Variants in CYP39A1 observed in about 807,000 individuals in gnomAD.
CYP39A1 encodes cytochrome P450 family 39 subfamily A member 1.
CYP39A1 carries 49 observed loss-of-function variants against 58.1 expected under a neutral mutation model. The observed-to-expected ratio is 0.84, with a 90% CI of 0.67 to 1.07. The LOEUF (loss-of-function observed/expected upper bound fraction) is 1.07, where lower values mean the gene tolerates loss of function less well. CYP39A1 is among the 50% of genes least tolerant of loss of function. The pLI is 0.00. For missense variants in CYP39A1, 531 were observed against 539.4 expected (o/e 0.98, Z 0.16); for synonymous variants, 209 against 187.6 (o/e 1.11, Z -0.93).
rs556379542 is a variant in CYP39A1, at chr6:46,550,345, C to T, written c.*21G>A. The T allele has an allele frequency of 2.5e-6, 4 of 1,609,500 alleles. No homozygotes were observed. The South Asian group carries it at 3.3e-5, about 13-fold the overall frequency. On this transcript the variant is annotated 3_prime_UTR_variant, in exon 12 of 12. Coordinates refer to ENST00000275016, the MANE Select transcript of CYP39A1 (RefSeq NM_016593.5). ...TGCCACTCCTCCAGAAGGCCCTGGT[C>T]CTTGTGAGGCCCAACAGATGTCATA...
intron 10 of CYP39A1, among the ~76,000 whole-genome samples, chr6:46,582,512 G>T (rs1047196308): frequency 2.0e-5 from 3 of 151,804 alleles, no homozygotes; most frequent in Non-Finnish European, 2.9e-5. Context: ...TTCTTCCCTT[G>T]AAGTTTGATA....
intron 5 of CYP39A1, 33 bp from the exon 6 acceptor site, chr6:46,631,103 G>A: frequency 6.8e-7 from 1 of 1,470,566 alleles, no homozygotes; most frequent in African/African-American, 1.4e-5. Flanking sequence ...GCCAAACCAT[G>A]GCTATGTGAC....
intron 8 of CYP39A1, among the ~76,000 whole-genome samples, chr6:46,593,158 T>C (rs1772944119): frequency 6.6e-6 from 1 of 152,176 alleles, no homozygotes; most frequent in Admixed American, 6.5e-5. Flanking sequence ...GGTTTCTATA[T>C]TAATGTCATA....
At chr6:46,553,904 A>G (rs1234614279) in intron 10 of CYP39A1, 50 bp from the exon 11 acceptor site, 1 of 1,165,720 alleles carries the variant, frequency 8.6e-7, no homozygotes, top group Non-Finnish European at 1.3e-6. Context: ...ATGTATAAAT[A>G]TCTGCCAACA....
chr6:46,620,249 T>C (rs1318221632), intron 7 of CYP39A1, among the ~76,000 whole-genome samples: 1 of 152,050 alleles, frequency 6.6e-6, no homozygotes, highest in Non-Finnish European at 1.5e-5. Context: ...CCACAGTCAC[T>C]AGATAGGGCA....
chr6:46,573,543 G>A (rs1362157939), intron 10 of CYP39A1, among the ~76,000 whole-genome samples: 1 of 152,160 alleles, frequency 6.6e-6, no homozygotes, highest in Non-Finnish European at 1.5e-5. Flanking sequence ...ACTGTGGGGA[G>A]TCCTAGCCAA....
chr6:46,644,792 C>T (rs1381984592), intron 1 of CYP39A1, among the ~76,000 whole-genome samples: 2 of 152,132 alleles, frequency 1.3e-5, no homozygotes, highest in Non-Finnish European at 2.9e-5. Flanking sequence ...TCTCTGTATC[C>T]TCACCAATAT....
chr6:46,625,485 G>C lies in CYP39A1; in HGVS notation c.864C>G (p.Tyr288Ter). 1.9e-6 allele frequency: 3 copies of C among 1,609,294 alleles called. No homozygotes were observed. Among genetic ancestry groups the C allele is most frequent in the Non-Finnish European group, 1.7e-6 (2 of 1,177,578 alleles). Reference protein sequence around the residue: ...AVPVAFWTLAYVLSHPDIHKA... With the variant: ...AVPVAFWTLA ...TGTGGATATCAGGATGAGAAAGGAC[G>C]TATGCAAGTGTCCAAAATGCAACCT... The change falls in exon 7 of 12, where the codon TAC (tyrosine) becomes TAG (stop). Residue 288 changes from tyrosine (Y) to a stop codon, truncating the protein, a stop_gained. Coordinates refer to ENST00000275016, the MANE Select transcript of CYP39A1 (RefSeq NM_016593.5). LOFTEE classifies it high-confidence loss of function.
At chr6:46,630,863 G>T in intron 6 of CYP39A1, 100 bp downstream of exon 6, 1 of 939,652 alleles carries the variant, frequency 1.1e-6, no homozygotes, top group Non-Finnish European at 1.6e-6. Context: ...TTTCCATAAT[G>T]AGTGATGAGT....
In CYP39A1 at chr6:46,637,877, T is replaced by A. The variant is rs1396046803; in HGVS notation, c.590A>T (p.Tyr197Phe). The A allele has an allele frequency of 6.2e-7, 1 of 1,612,408 alleles. No individual in the cohort carries two copies. The highest frequency in any genetic ancestry group is 2.2e-5 in the East Asian group (1 of 44,838). ...IKEFHQYFQV[Y>F]DEDFEYGSQL... ...GGACCCATACTCAAAATCTTCATCA[T>A]AAACTTGAAAATACTGATGGAACTC... Residue 197 changes from tyrosine to phenylalanine, a missense_variant, in exon 4 of 12, where the codon TAT (tyrosine) becomes TTT (phenylalanine). Transcript: ENST00000275016.
chr6:46,592,098 T>A (rs1269748686), intron 8 of CYP39A1, among the ~76,000 whole-genome samples: 2 of 152,128 alleles, frequency 1.3e-5, no homozygotes, highest in East Asian at 3.9e-4. Flanking sequence ...TTTAGAAAGG[T>A]AGCATAATAA....
intron 6 of CYP39A1, among the ~76,000 whole-genome samples, chr6:46,628,951 CCAA>C (rs1427759106): frequency 6.6e-6 from 1 of 152,182 alleles, no homozygotes; most frequent in Non-Finnish European, 1.5e-5. Flanking sequence ...CTATTTCTTA[CCAA>C]AATAATCCTT....
chr6:46,558,771 G>A (rs1023680149), intron 10 of CYP39A1, among the ~76,000 whole-genome samples: 5 of 152,272 alleles, frequency 3.3e-5, no homozygotes, highest in African/African-American at 1.2e-4. Context: ...GCCGAGGTGG[G>A]TGGATTACTA....
rs768175515 is a variant in CYP39A1 at position 46,639,578 on chromosome 6, A to G, written c.404T>C (p.Phe135Ser). The G allele has an allele frequency of 1.2e-6, 2 of 1,614,104 alleles. No homozygotes were observed. The highest frequency in any genetic ancestry group is 2.2e-5 in the South Asian group (2 of 91,068). ...TAATTCTTCAGTCAGTTGCCCAGTAAACTGATGGAGATTGACAGTCCCCAT... is the reference window on the plus strand; with the variant it reads ...TAATTCTTCAGTCAGTTGCCCAGTAGACTGATGGAGATTGACAGTCCCCAT... ...GKMGTVNLHQ[F>S]TGQLTEELHE... Residue 135 changes from phenylalanine (F) to serine (S), a missense_variant, in exon 3 of 12, where the codon TTT (phenylalanine) becomes TCT (serine). Coordinates refer to ENST00000275016, the MANE Select transcript of CYP39A1 (RefSeq NM_016593.5).
At position 46,550,371 on chromosome 6, in the gene CYP39A1, T is replaced by C; in HGVS notation, c.1405A>G (p.Ile469Val). Reference sequence around the variant, plus strand: ...CTTGTGAGGCCCAACAGATGTCATATTCTTTGTTTATATTCAATTCGGCAT... The same window carrying C: ...CTTGTGAGGCCCAACAGATGTCATACTCTTTGTTTATATTCAATTCGGCAT... Reference protein sequence around the residue: ...GQCRIEYKQRI With the variant: ...GQCRIEYKQRV Residue 469 changes from isoleucine (I) to valine (V), a missense_variant, in exon 12 of 12, where the codon ATA becomes GTA. Ile to Val is a conservative substitution (Grantham distance 29). Coordinates refer to ENST00000275016, the MANE Select transcript of CYP39A1 (RefSeq NM_016593.5). 2.5e-6 allele frequency: 4 copies of C among 1,612,802 alleles called. No individual in the cohort carries two copies. The highest frequency in any genetic ancestry group is 3.4e-6 in the Non-Finnish European group (4 of 1,179,430).
chr6:46,625,265 T>C (rs1302656303), intron 7 of CYP39A1, among the ~76,000 whole-genome samples, 153 bp downstream of exon 7: 2 of 152,188 alleles, frequency 1.3e-5, no homozygotes, highest in Non-Finnish European at 2.9e-5. Flanking sequence ...TCTAGGATTC[T>C]ACCTGATCAA....
At chr6:46,598,419 C>T (rs535136590) in intron 7 of CYP39A1, among the ~76,000 whole-genome samples, 1 of 152,240 alleles carries the variant, frequency 6.6e-6, no homozygotes, top group South Asian at 2.1e-4. Flanking sequence ...AACTTTCGTG[C>T]ACATGGCATA....
chr6:46,644,227 T>G (rs1161578361), intron 1 of CYP39A1, among the ~76,000 whole-genome samples: 1 of 152,212 alleles, frequency 6.6e-6, no homozygotes, highest in Non-Finnish European at 1.5e-5. Context: ...ACAGAAGCAT[T>G]TAGTATACAA....
At chr6:46,646,518 T>C (rs944057620) in intron 1 of CYP39A1, among the ~76,000 whole-genome samples, 1 of 152,126 alleles carries the variant, frequency 6.6e-6, no homozygotes, top group Non-Finnish European at 1.5e-5. Context: ...AAGTAATACT[T>C]GTCTGTAGTT....
Sources: gnomAD v4.1 joint callset for allele counts (sites outside exome capture counted in the v4.1 genomes callset) on GRCh38, gnomAD v4.1.1 for gene constraint, MANE v1.5 for transcripts, NCBI Gene and HGNC (gene_info 2026-07-23, HGNC 2026-07-21) for gene names.